Variants in INO80D observed in about 807,000 individuals in gnomAD.
The protein encoded by INO80D is INO80 complex subunit D.
Under a neutral mutation model 87.6 loss-of-function variants are expected in INO80D, and 21 were observed. The ratio of observed to expected loss-of-function variants is 0.24; its 90% CI spans 0.17 to 0.35. The LOEUF (loss-of-function observed/expected upper bound fraction) is 0.35, where lower values mean the gene tolerates loss of function less well. Among genes scored for constraint, INO80D ranks in the 10% least tolerant of loss-of-function variants. The pLI is 1.00. For missense variants in INO80D, 982 were observed against 1,280.7 expected (o/e 0.77, Z 3.56); for synonymous variants, 440 against 491.0 (o/e 0.90, Z 1.37).
At position 206,004,960 on chromosome 2, in the gene INO80D, T is replaced by A; in HGVS notation, c.2492A>T (p.Asp831Val). 1 of 1,613,992 alleles carries A rather than the reference T, an allele frequency of 6.2e-7. No homozygotes were observed. Among genetic ancestry groups the A allele is most frequent in the Non-Finnish European group, 8.5e-7 (1 of 1,179,874 alleles). Residue 831 changes from aspartate to valine, a missense_variant, in exon 11 of 11, where the codon GAT (aspartate) becomes GTT (valine). By Grantham distance (152) the Asp-to-Val change is radical. Coordinates refer to ENST00000403263, the MANE Select transcript of INO80D (RefSeq NM_017759.5). This position sits in a 1 kb window ranked among gnomAD's most constrained non-coding sequence, Gnocchi z 4.9. Reference protein sequence around the residue: ...SHSSPHGSHYDSEHVPSPYSD... With the variant: ...SHSSPHGSHYVSEHVPSPYSD... ...GTAGGGAGACGGCACATGCTCACTATCATAATGGCTTCCATGGGGTGAGGA... is the reference window on the plus strand; with the variant it reads ...GTAGGGAGACGGCACATGCTCACTAACATAATGGCTTCCATGGGGTGAGGA...
chr2:206,078,274 C>T (rs550129052), intron 1 of INO80D, among the ~76,000 whole-genome samples: 29 of 151,764 alleles, frequency 1.9e-4, no homozygotes, highest in African/African-American at 6.8e-4. Flanking sequence ...AAAAATTAGC[C>T]GGCGTGGTGG....
intron 1 of INO80D, among the ~76,000 whole-genome samples, chr2:206,071,816 G>A (rs187085928): frequency 2.6e-5 from 4 of 151,854 alleles, no homozygotes; most frequent in Non-Finnish European, 4.4e-5. Flanking sequence ...TTCCACCATA[G>A]GAACTATTTT....
chr2:206,021,828 G>T (rs1197345802), intron 6 of INO80D, among the ~76,000 whole-genome samples: 2 of 151,468 alleles, frequency 1.3e-5, no homozygotes, highest in Non-Finnish European at 2.9e-5. Flanking sequence ...TGGCTGGGCT[G>T]GTCTTGAACT....
At position 206,009,601 on chromosome 2, in the gene INO80D, A is replaced by T. The variant is rs1284268827; in HGVS notation, c.1736T>A (p.Leu579Gln). The T allele has an allele frequency of 6.2e-7, 1 of 1,613,420 alleles. No individual in the cohort carries two copies. Among genetic ancestry groups the T allele is most frequent in the African/African-American group, 1.3e-5 (1 of 74,916 alleles). ...CCGGATGTGAGAGGCCTCCACTGGC[A>T]GTGAGACGCTGGCGGGCATGCTGAG... is the stretch of plus-strand genomic sequence containing the variant. Reference protein sequence around the residue: ...GNLSMPASVSLPVEASHIRSP... With the variant: ...GNLSMPASVSQPVEASHIRSP... The change falls in exon 9 of 11, where the codon CTG becomes CAG. Residue 579 changes from leucine (L) to glutamine (Q), a missense_variant. Coordinates refer to ENST00000403263, the MANE Select transcript of INO80D (RefSeq NM_017759.5).
At chr2:206,014,111 T>C (rs1167475056) in intron 8 of INO80D, among the ~76,000 whole-genome samples, 5 of 149,144 alleles carry the variant, frequency 3.4e-5, no homozygotes, top group Non-Finnish European at 5.9e-5. Flanking sequence ...TGAGCCAAGA[T>C]TGCACCACTG....
chr2:206,041,668 A>T (rs1229604033), intron 5 of INO80D, among the ~76,000 whole-genome samples: 2 of 152,244 alleles, frequency 1.3e-5, no homozygotes, highest in African/African-American at 4.8e-5. Flanking sequence ...ACAGATGTAG[A>T]AGACATGAAC....
intron 3 of INO80D, among the ~76,000 whole-genome samples, chr2:206,058,507 G>C (rs6750128): frequency 0.014 from 2,138 of 151,802 alleles, 60 homozygotes; most frequent in East Asian, 0.11. Context: ...GGCCAAGACA[G>C]GTGGATCACC....
At position 206,002,960 on chromosome 2, in the gene INO80D, AAGGT is replaced by A. The variant is rs1687931622; in HGVS notation, c.*1404_*1407del. 6.6e-6 allele frequency: 1 copy of A among 152,168 alleles called. No homozygotes were observed. Among genetic ancestry groups the A allele is most frequent in the South Asian group, 2.1e-4 (1 of 4,824 alleles). 9.4% of individuals were successfully genotyped at this position (152,168 alleles called of 1,614,324 possible). A position where few individuals can be genotyped will look rare whatever the true frequency, so the allele number is the denominator to read the frequency against. On this transcript the variant is annotated 3_prime_UTR_variant, in exon 11 of 11. Transcript: ENST00000403263. ...TTCCACCCTTCTCTGGGGGGGAAAA[AAGGT>A]AGGCAAGAAACCTCACAAATTCATC...
intron 5 of INO80D, among the ~76,000 whole-genome samples, chr2:206,029,666 A>G (rs1180597682): frequency 6.6e-6 from 1 of 152,222 alleles, no homozygotes; most frequent in Admixed American, 6.5e-5. Flanking sequence ...TAAGAAGCAC[A>G]TTCTCGTCAG....
At chr2:206,023,742 A>G (rs1036479276) in intron 6 of INO80D, among the ~76,000 whole-genome samples, 23 of 152,126 alleles carry the variant, frequency 1.5e-4, no homozygotes, top group African/African-American at 5.3e-4. Context: ...ACATTGTTAC[A>G]TGATTATCAG....
intron 1 of INO80D, among the ~76,000 whole-genome samples, chr2:206,065,367 G>A (rs190412534): frequency 1.6e-4 from 25 of 152,286 alleles, no homozygotes; most frequent in Admixed American, 1.5e-3. Flanking sequence ...CTACTGGGGA[G>A]GCTGAGGCAG....
intron 9 of INO80D, 33 bp downstream of exon 9, chr2:206,009,544 A>G: frequency 6.5e-7 from 1 of 1,545,986 alleles, no homozygotes; most frequent in Non-Finnish European, 8.8e-7. Context: ...CCCAAAATGT[A>G]AAGAAAAATT....
intron 5 of INO80D, among the ~76,000 whole-genome samples, chr2:206,031,223 C>A (rs1458597507): frequency 6.7e-6 from 1 of 150,154 alleles, no homozygotes; most frequent in Non-Finnish European, 1.5e-5. Context: ...CAGTGCACTC[C>A]AGCCTGGGTG....
At position 205,995,294 on chromosome 2, in the gene INO80D, T is replaced by C. The variant is rs1687789729; in HGVS notation, c.*9074A>G. The stretch of plus-strand genomic sequence containing the variant: ...TACTCTCATGGGACAGATGGCATTT[T>C]TAAAATGACAGTCTCCCTTTCAGTT... On this transcript the variant is annotated 3_prime_UTR_variant, in exon 11 of 11. Coordinates refer to ENST00000403263, the MANE Select transcript of INO80D (RefSeq NM_017759.5). The C allele has an allele frequency of 6.6e-6, 1 of 152,192 alleles. No individual in the cohort carries two copies. The highest frequency in any genetic ancestry group is 2.4e-5 in the African/African-American group (1 of 41,454). 9.4% of individuals were successfully genotyped at this position (152,192 alleles called of 1,614,324 possible). A position where few individuals can be genotyped will look rare whatever the true frequency, so the allele number is the denominator to read the frequency against.
At chr2:206,019,699 C>G (rs1315697143) in intron 7 of INO80D, 37 bp downstream of exon 7, 1 of 1,527,272 alleles carries the variant, frequency 6.5e-7, no homozygotes, top group Non-Finnish European at 9.0e-7. Flanking sequence ...TTAGGTAGTA[C>G]TTTTTCAATG....
chr2:206,068,632 T>C (rs1456248151), intron 1 of INO80D, among the ~76,000 whole-genome samples: 1 of 152,200 alleles, frequency 6.6e-6, no homozygotes, highest in Non-Finnish European at 1.5e-5. Context: ...TGATCCCTTT[T>C]AGATGCAACT....
At chr2:206,082,380 C>A (rs1438034990) in intron 1 of INO80D, among the ~76,000 whole-genome samples, 1 of 152,232 alleles carries the variant, frequency 6.6e-6, no homozygotes, top group Non-Finnish European at 1.5e-5. Context: ...AGTAGTCTGT[C>A]ACCTTACGTG....
intron 4 of INO80D, among the ~76,000 whole-genome samples, chr2:206,052,836 T>TA (rs1397965316): frequency 6.6e-6 from 1 of 152,044 alleles, no homozygotes; most frequent in Non-Finnish European, 1.5e-5. Flanking sequence ...TTTTAGCTTC[T>TA]AATACAGTAT....
chr2:206,072,885 A>C (rs936711568), intron 1 of INO80D, among the ~76,000 whole-genome samples: 6 of 148,316 alleles, frequency 4.0e-5, no homozygotes, highest in Admixed American at 2.0e-4. Flanking sequence ...CTCTCTTGTC[A>C]AGGCTAGAGT....
Sources: gnomAD v4.1 joint callset for allele counts (sites outside exome capture counted in the v4.1 genomes callset) on GRCh38, gnomAD v4.1.1 for gene constraint, Gnocchi (gnomAD v3.1) non-coding constraint, MANE v1.5 for transcripts, NCBI Gene and HGNC (gene_info 2026-07-23, HGNC 2026-07-21) for gene names.